Variants in EXTL3 observed in about 807,000 individuals in gnomAD.
EXTL3 encodes exostosin like glycosyltransferase 3.
In EXTL3, 27 loss-of-function variants were observed where a neutral mutation model predicts 69.3. The ratio of observed to expected loss-of-function variants is 0.39; its 90% CI spans 0.29 to 0.54. EXTL3 has a LOEUF of 0.54. Ranked by LOEUF, EXTL3 falls within the 20% of genes least tolerant of loss-of-function variation. The probability of loss-of-function intolerance (pLI) is 0.69; values close to 1 mark genes in which losing one functional copy is unlikely to be tolerated. For synonymous variants in EXTL3, 511 were observed against 499.4 expected (o/e 1.02, Z -0.31); for missense variants, 1,003 against 1,231.8 (o/e 0.81, Z 2.78).
chr8:28,727,920 G>A (rs1801447902), intron 3 of EXTL3, among the ~76,000 whole-genome samples: 1 of 152,086 alleles, frequency 6.6e-6, no homozygotes, highest in Non-Finnish European at 1.5e-5. Context: ...TATATTCCTG[G>A]TTTACTAATT....
At chr8:28,739,349 G>A (rs1210569393) in intron 5 of EXTL3, among the ~76,000 whole-genome samples, 1 of 151,996 alleles carries the variant, frequency 6.6e-6, no homozygotes, top group East Asian at 1.9e-4. Context: ...AATTTTTTAA[G>A]ACAGGGTCTC....
chr8:28,660,233 G>A (rs537989573), intron 1 of EXTL3, among the ~76,000 whole-genome samples: 15 of 152,196 alleles, frequency 9.9e-5, no homozygotes, highest in African/African-American at 3.4e-4. Context: ...GTGTAGTGGT[G>A]TACACCTGTA....
rs1303435674 is a variant in EXTL3 at position 28,716,484 on chromosome 8, A to G, written c.425A>G (p.Tyr142Cys). The change falls in exon 3 of 7, where the codon TAC becomes TGC. Residue 142 changes from tyrosine to cysteine, a missense_variant. Transcript: ENST00000220562. This position sits in a 1 kb window ranked among gnomAD's most constrained non-coding sequence, Gnocchi z 7.1. Reference sequence around the variant, plus strand: ...GTCATCAGCCAGACCGAGCATTCCTACAAGGAGCTCATGGCCCAGAACCAG... The same window carrying G: ...GTCATCAGCCAGACCGAGCATTCCTGCAAGGAGCTCATGGCCCAGAACCAG... The part of the protein sequence containing the change: ...KNVISQTEHS[Y>C]KELMAQNQPK... 6.2e-6 allele frequency: 10 copies of G among 1,613,900 alleles called. No homozygotes were observed. In the Admixed American group the frequency reaches 8.3e-5, roughly 13 times the overall value.
intron 3 of EXTL3, among the ~76,000 whole-genome samples, chr8:28,721,344 C>T (rs953504047): frequency 8.5e-5 from 13 of 152,200 alleles, no homozygotes; most frequent in African/African-American, 2.7e-4. Flanking sequence ...TTGGAGCTCC[C>T]TCTCTCTGGC....
At chr8:28,687,658 TGAAGTCTTA>T (rs2130671389) in intron 1 of EXTL3, among the ~76,000 whole-genome samples, 1 of 152,334 alleles carries the variant, frequency 6.6e-6, no homozygotes, top group African/African-American at 2.4e-5. Flanking sequence ...ATTTGGCTGC[TGAAGTCTTA>T]GAAGTGTTCA....
intron 1 of EXTL3, among the ~76,000 whole-genome samples, chr8:28,685,491 T>G (rs1405490037): frequency 6.6e-6 from 1 of 151,758 alleles, no homozygotes; most frequent in East Asian, 2.0e-4. Flanking sequence ...GGCTAGTTGT[T>G]TGGCCCTGTT....
At chr8:28,707,413 G>C (rs1015518385) in intron 1 of EXTL3, among the ~76,000 whole-genome samples, 2 of 152,232 alleles carry the variant, frequency 1.3e-5, no homozygotes, top group Non-Finnish European at 2.9e-5. Context: ...GTTATCTAGA[G>C]TACTGTGCCT....
upstream of EXTL3, among the ~76,000 whole-genome samples, chr8:28,698,959 C>CCA (rs1198394280): frequency 6.6e-6 from 1 of 152,188 alleles, no homozygotes; most frequent in African/African-American, 2.4e-5. Context: ...TGCCACTGCA[C>CCA]TCCAGCCTGG....
intron 1 of EXTL3, among the ~76,000 whole-genome samples, chr8:28,657,116 AT>A (rs1446104973): frequency 2.6e-5 from 4 of 151,132 alleles, no homozygotes; most frequent in African/African-American, 9.7e-5. Flanking sequence ...TTTTTTTTGT[AT>A]TTTTTGGTAA....
At chr8:28,747,223 A>G (rs1801906093) in intron 6 of EXTL3, among the ~76,000 whole-genome samples, 1 of 152,160 alleles carries the variant, frequency 6.6e-6, no homozygotes, top group South Asian at 2.1e-4. Flanking sequence ...TGACCCCTAC[A>G]TCCTGCTCCA....
chr8:28,669,696 A>G (rs561978034), intron 1 of EXTL3, among the ~76,000 whole-genome samples: 16 of 152,270 alleles, frequency 1.1e-4, no homozygotes, highest in African/African-American at 3.4e-4. Context: ...TCCATTTTTG[A>G]TATCATCTCT....
chr8:28,728,260 C>G (rs1801455643), intron 3 of EXTL3, among the ~76,000 whole-genome samples: 1 of 152,214 alleles, frequency 6.6e-6, no homozygotes, highest in African/African-American at 2.4e-5. Context: ...CCATTCAAGT[C>G]CGGCCCCTTC....
intron 1 of EXTL3, among the ~76,000 whole-genome samples, chr8:28,652,027 GTGTGTGTGTGTC>G (rs1264360746): frequency 4.5e-5 from 6 of 133,694 alleles, no homozygotes; most frequent in Non-Finnish European, 8.1e-5. Context: ...ATATTCCATT[GTGTGTGTGTGTC>G]TGTGTGTGTG....
chr8:28,660,838 C>CTTTTTTTTTTTTTTTTTTTTTT (rs58151386), intron 1 of EXTL3, among the ~76,000 whole-genome samples: 4 of 46,970 alleles, frequency 8.5e-5, no homozygotes, highest in African/African-American at 2.1e-4. Flanking sequence ...CGATTTTTGG[C>CTTTTTTTTTTTTTTTTTTTTTT]TTTTTTTTTT....
chr8:28,635,476 C>T (rs948844188), intron 1 of EXTL3, among the ~76,000 whole-genome samples: 11 of 146,310 alleles, frequency 7.5e-5, no homozygotes, highest in African/African-American at 2.0e-4. Context: ...CCGAGGCGGG[C>T]GGATCATGAG....
intron 1 of EXTL3, among the ~76,000 whole-genome samples, chr8:28,655,983 G>A (rs1456906805): frequency 6.6e-6 from 1 of 152,108 alleles, no homozygotes; most frequent in Non-Finnish European, 1.5e-5. Context: ...GATGATGGGT[G>A]GGTGAGAAAG....
intron 1 of EXTL3, among the ~76,000 whole-genome samples, chr8:28,660,913 CTTT>C (rs35991958): frequency 9.2e-5 from 9 of 97,522 alleles, no homozygotes; most frequent in Admixed American, 1.3e-4. Context: ...TTGTTCGTTT[CTTT>C]TTTTTTTTTT....
chr8:28,638,455 C>G (rs1563432215), intron 1 of EXTL3, among the ~76,000 whole-genome samples: 1 of 152,170 alleles, frequency 6.6e-6, no homozygotes. Flanking sequence ...CTCCCTCTGC[C>G]TGTCTCTTGG....
chr8:28,743,053 CAG>C lies in EXTL3; in HGVS notation c.2422-30_2422-29del, dbSNP rs1009801099. The C allele has an allele frequency of 2.5e-6, 4 of 1,613,588 alleles. No individual in the cohort carries two copies. The African/African-American group carries it at 5.3e-5, about 22-fold the overall frequency. ...AAAGCCAACAACCTGTGTCTTGTAA[CAG>C]AGCATGTGGTTCTTTTTCTTCCCCT... On this transcript the variant is annotated intron_variant, in intron 5 of 6. Coordinates refer to ENST00000220562, the MANE Select transcript of EXTL3 (RefSeq NM_001440.4).
Sources: allele counts gnomAD v4.1 joint callset (sites outside exome capture counted in the v4.1 genomes callset), GRCh38; gene constraint gnomAD v4.1.1; non-coding constraint Gnocchi (gnomAD v3.1); transcripts MANE v1.5; gene names NCBI Gene and HGNC (gene_info 2026-07-23, HGNC 2026-07-21).